Variants in PDE4D observed in about 807,000 individuals in gnomAD.
PDE4D encodes 3',5'-cyclic-AMP phosphodiesterase 4D.
Under a neutral mutation model 87.4 loss-of-function variants are expected in PDE4D, and 24 were observed. The ratio of observed to expected loss-of-function variants is 0.27; its 90% CI spans 0.20 to 0.39. PDE4D has a LOEUF of 0.39. Ranked by LOEUF, PDE4D falls within the 10% of genes least tolerant of loss-of-function variation. The pLI, the probability that PDE4D is intolerant of heterozygous loss-of-function variation, is 1.00. For missense variants in PDE4D, 714 were observed against 1,041.0 expected, an observed-to-expected ratio of 0.69 and a Z score of 4.32; for synonymous variants, 384 against 383.2, an observed-to-expected ratio of 1.00 and a Z score of -0.02.
intron 2 of PDE4D, among the ~76,000 whole-genome samples, chr5:60,151,420 T>A (rs1460012056): frequency 6.6e-6 from 1 of 152,198 alleles, no homozygotes; most frequent in Non-Finnish European, 1.5e-5. Flanking sequence ...TTTATTTGCA[T>A]CTTCTTTAAT....
At chr5:60,258,697 T>C (rs1047028389) in intron 1 of PDE4D, among the ~76,000 whole-genome samples, 1 of 151,756 alleles carries the variant, frequency 6.6e-6, no homozygotes, top group Admixed American at 6.6e-5. Flanking sequence ...AATAATAAAA[T>C]AATAAATGTT....
At chr5:60,432,525 T>C (rs1196866820) in intron 1 of PDE4D, among the ~76,000 whole-genome samples, 1 of 152,208 alleles carries the variant, frequency 6.6e-6, no homozygotes, top group Non-Finnish European at 1.5e-5. Flanking sequence ...ACATATGCAA[T>C]GCTATTCCTG....
At chr5:59,497,805 A>G (rs928387920) in intron 1 of PDE4D, among the ~76,000 whole-genome samples, 18 of 152,326 alleles carry the variant, frequency 1.2e-4, no homozygotes, top group Middle Eastern at 3.4e-3. Context: ...CAACATGCAC[A>G]TACAAGAAAT....
intron 5 of PDE4D, 79 bp downstream of exon 5, chr5:59,180,516 G>T (rs975521945): frequency 4.8e-6 from 5 of 1,043,284 alleles, no homozygotes; most frequent in African/African-American, 4.7e-5. Context: ...GCATGAAATT[G>T]GTGTTGGTGT....
intron 1 of PDE4D, among the ~76,000 whole-genome samples, chr5:60,195,692 G>A (rs1222847080): frequency 6.6e-6 from 1 of 151,534 alleles, no homozygotes; most frequent in African/African-American, 2.4e-5. Context: ...CATTCTAGTG[G>A]GGGACAGAGA....
chr5:59,875,794 A>T (rs1028042679), intron 1 of PDE4D, among the ~76,000 whole-genome samples: 26 of 152,176 alleles, frequency 1.7e-4, no homozygotes, highest in African/African-American at 6.3e-4. Flanking sequence ...AAAGAACAAG[A>T]TCATGTCTTA....
intron 6 of PDE4D, among the ~76,000 whole-genome samples, chr5:59,025,286 A>C (rs1258439630): frequency 6.6e-6 from 1 of 152,058 alleles, no homozygotes; most frequent in South Asian, 2.1e-4. Flanking sequence ...ATTGCAGTTC[A>C]TTTTTTCCCT....
At chr5:59,572,893 A>C (rs746274485) in intron 1 of PDE4D, among the ~76,000 whole-genome samples, 1 of 152,258 alleles carries the variant, frequency 6.6e-6, no homozygotes, top group Non-Finnish European at 1.5e-5. Flanking sequence ...GAGAGGAACT[A>C]AAATATATCA....
At chr5:60,318,137 C>A (rs574664039) in intron 1 of PDE4D, among the ~76,000 whole-genome samples, 4 of 152,166 alleles carry the variant, frequency 2.6e-5, no homozygotes, top group Non-Finnish European at 5.9e-5. Flanking sequence ...TTCTAGGTCT[C>A]TAAGGACTTG....
chr5:59,701,293 A>T (rs1048596479), intron 1 of PDE4D, among the ~76,000 whole-genome samples: 1 of 152,186 alleles, frequency 6.6e-6, no homozygotes, highest in Non-Finnish European at 1.5e-5. Flanking sequence ...TCTTCTGCAT[A>T]GTGCTAATCA....
At chr5:59,313,708 A>G (rs1773135471) in intron 1 of PDE4D, among the ~76,000 whole-genome samples, 1 of 152,204 alleles carries the variant, frequency 6.6e-6, no homozygotes, top group Non-Finnish European at 1.5e-5. Flanking sequence ...ACCTAGAACC[A>G]AATATATATA....
chr5:60,089,553 A>C (rs1205077212), intron 2 of PDE4D, among the ~76,000 whole-genome samples: 2 of 151,994 alleles, frequency 1.3e-5, no homozygotes. Context: ...CAGTTCTAGG[A>C]TGGAAATTTG....
chr5:59,766,647 A>C (rs900218899), intron 1 of PDE4D, among the ~76,000 whole-genome samples: 2 of 152,228 alleles, frequency 1.3e-5, no homozygotes, highest in Non-Finnish European at 2.9e-5. Context: ...CTGGACACGG[A>C]AATTCTGGTC....
chr5:59,125,574 G>C (rs995296405), intron 5 of PDE4D, among the ~76,000 whole-genome samples: 1 of 152,134 alleles, frequency 6.6e-6, no homozygotes, highest in Non-Finnish European at 1.5e-5. Context: ...ATCAATTAAG[G>C]CCTGGGAAGA....
rs181297035 is a variant in PDE4D, at chr5:59,386,290, T to A, written c.456-170322A>T. ...TTACATTGAATACTAGTTTTTGAGA[T>A]GTTAAGAGTCCAGTTGAATAATAAA... On this transcript the variant is annotated intron_variant, in intron 1 of 14. Transcript: ENST00000340635. Among the ~76,000 whole-genome samples, 464 of 152,286 alleles carry A rather than the reference T, an allele frequency of 3.0e-3. 1 individual carries two copies. The highest frequency in any genetic ancestry group is 0.011 in the African/African-American group (451 of 41,562).
At chr5:60,396,204 C>G (rs1485706796) in intron 1 of PDE4D, among the ~76,000 whole-genome samples, 1 of 152,194 alleles carries the variant, frequency 6.6e-6, no homozygotes, top group African/African-American at 2.4e-5. Flanking sequence ...CACAAAGGAG[C>G]AGATATGTTA....
intron 3 of PDE4D, among the ~76,000 whole-genome samples, chr5:59,907,735 A>G (rs1221150557): frequency 1.3e-5 from 2 of 152,192 alleles, no homozygotes; most frequent in African/African-American, 4.8e-5. Context: ...AGATGATTTC[A>G]GCAGCCTCCA....
intron 1 of PDE4D, among the ~76,000 whole-genome samples, chr5:59,455,006 A>G (rs944222760): frequency 3.9e-5 from 6 of 152,222 alleles, no homozygotes; most frequent in African/African-American, 1.4e-4. Flanking sequence ...GGGTGCCGTT[A>G]AAGGCATTCA....
At chr5:59,574,234 A>G (rs1332670406) in intron 1 of PDE4D, among the ~76,000 whole-genome samples, 2 of 143,462 alleles carry the variant, frequency 1.4e-5, no homozygotes, top group African/African-American at 5.2e-5. Flanking sequence ...CCGTTTGTAA[A>G]GGTAATATAT....
Sources: gnomAD v4.1 joint callset for allele counts (sites outside exome capture counted in the v4.1 genomes callset) on GRCh38, gnomAD v4.1.1 for gene constraint, MANE v1.5 for transcripts, NCBI Gene and HGNC (gene_info 2026-07-23, HGNC 2026-07-21) for gene names.